Variants in CA6 observed in about 807,000 individuals in gnomAD.
CA6 encodes the protein carbonic anhydrase 6.
CA6 carries 28 observed loss-of-function variants against 35.9 expected under a neutral mutation model. The observed-to-expected ratio is 0.78, with a 90% CI of 0.58 to 1.07. The LOEUF (loss-of-function observed/expected upper bound fraction) is 1.07. Among genes scored for constraint, CA6 ranks in the 50% least tolerant of loss-of-function variants. CA6 has a pLI of 0.00. For synonymous variants in CA6, 148 were observed against 152.6 expected (o/e 0.97, Z 0.22); for missense variants, 377 against 382.0 (o/e 0.99, Z 0.11).
chr1:8,965,203 C>G (rs1008131774), intron 5 of CA6, among the ~76,000 whole-genome samples: 2 of 152,120 alleles, frequency 1.3e-5, no homozygotes, highest in Non-Finnish European at 2.9e-5. Context: ...GAGATTGTGT[C>G]GCTGCACTCC....
chr1:8,957,329 T>A (rs761437024), intron 3 of CA6, 44 bp downstream of exon 3: 5 of 1,538,776 alleles, frequency 3.2e-6, no homozygotes, highest in Non-Finnish European at 3.5e-6. Context: ...TTGAACCCCA[T>A]AGTCACTTTT....
At chr1:8,953,605 G>A (rs1273311727) in intron 2 of CA6, among the ~76,000 whole-genome samples, 2 of 151,370 alleles carry the variant, frequency 1.3e-5, no homozygotes, top group African/African-American at 2.4e-5. Flanking sequence ...CTGGGTGACA[G>A]AGCAAGACCT....
At chr1:8,951,849 T>G (rs1639545239) in intron 2 of CA6, 1 of 275,366 alleles carries the variant, frequency 3.6e-6, no homozygotes. Flanking sequence ...AGATGGAGTC[T>G]TGCTCTGTCA....
intron 7 of CA6, among the ~76,000 whole-genome samples, chr1:8,971,750 C>T (rs1640116133): frequency 6.6e-6 from 1 of 152,222 alleles, no homozygotes; most frequent in Non-Finnish European, 1.5e-5. Flanking sequence ...CTGCATCTGC[C>T]TGGGGCGCAG....
intron 4 of CA6, among the ~76,000 whole-genome samples, chr1:8,961,242 C>A (rs12735688): frequency 4.6e-5 from 7 of 151,954 alleles, no homozygotes; most frequent in African/African-American, 1.7e-4. Flanking sequence ...CGGTTAACTC[C>A]GATCCACAGA....
chr1:8,947,190 G>A (rs1161701305), intron 1 of CA6, among the ~76,000 whole-genome samples: 5 of 152,112 alleles, frequency 3.3e-5, no homozygotes, highest in Admixed American at 1.3e-4. Context: ...CTAGAAGGCC[G>A]TGTCTGTGGA....
Position 8,945,937 on chromosome 1 carries a change from C to T in CA6, c.51C>T (p.Ala17=). The T allele has an allele frequency of 1.2e-6, 2 of 1,613,618 alleles. No homozygotes were observed. Among genetic ancestry groups the T allele is most frequent in the Non-Finnish European group, 1.7e-6 (2 of 1,179,666 alleles). ...CCCTGTTCCTGCTGGGTGGCCAGGC[C>T]CAGCATGTGTCTGACTGGACCTACT... is the stretch of plus-strand genomic sequence containing the variant. ...LLSLFLLGGQ[A]QHVSDWTYSE... Residue 17 remains alanine, a synonymous_variant, in exon 1 of 8, where the codon GCC becomes GCT. Transcript: ENST00000377443.
At position 8,963,742 on chromosome 1, in the gene CA6, A is replaced by G. The variant is rs1639901897; in HGVS notation, c.571+1086A>G. Among the ~76,000 whole-genome samples the G allele has an allele frequency of 6.6e-6, 1 of 152,048 alleles. No individual in the cohort carries two copies. Among genetic ancestry groups the G allele is most frequent in the South Asian group, 2.1e-4 (1 of 4,826 alleles). ...TTTTCAGTAGAGACAGGGTCTCACC[A>G]TGTTCTCAGGCTGGTCTTGAACTCC... On this transcript the variant is annotated intron_variant, in intron 5 of 7. Coordinates refer to ENST00000377443, the MANE Select transcript of CA6 (RefSeq NM_001215.4). This position sits in a 1 kb window ranked among gnomAD's most constrained non-coding sequence, Gnocchi z 4.1.
Position 8,949,393 on chromosome 1 carries a change from C to G in CA6, c.210C>G (p.Gly70=). Reference sequence around the variant, plus strand: ...CCTTGAAGGGGCTCAATATGACAGGCTATGAGACCCAGGCAGGGGAGTTCC... The same window carrying G: ...CCTTGAAGGGGCTCAATATGACAGGGTATGAGACCCAGGCAGGGGAGTTCC... The part of the protein sequence containing the change: ...NPSLKGLNMT[G]YETQAGEFPM... The change falls in exon 2 of 8, where the codon GGC becomes GGG. Residue 70 remains glycine (G), a synonymous_variant. Coordinates refer to ENST00000377443, the MANE Select transcript of CA6 (RefSeq NM_001215.4). 1 of 1,613,234 alleles carries G rather than the reference C, an allele frequency of 6.2e-7. No individual in the cohort carries two copies. Among genetic ancestry groups the G allele is most frequent in the South Asian group, 1.1e-5 (1 of 90,996 alleles).
Position 8,946,042 on chromosome 1 carries a change from C to CTA in CA6, c.79+78_79+79insAT, listed in dbSNP as rs1639354893. On this transcript the variant is annotated intron_variant, in intron 1 of 7. Transcript: ENST00000377443. ...CAGGACAAGTGCCCTTCTTCTTCTT[C>CTA]TTTTTTTTTTTTTTAGACAAAGTCT... 4 of 676,430 alleles carry CTA rather than the reference C, an allele frequency of 5.9e-6. No individual in the cohort carries two copies. The East Asian group carries it at 1.2e-4, about 20-fold the overall frequency. 41.9% of individuals were successfully genotyped at this position (676,430 alleles called of 1,614,324 possible).
intron 4 of CA6, among the ~76,000 whole-genome samples, chr1:8,962,181 G>A (rs991800852): frequency 3.3e-5 from 5 of 151,668 alleles, no homozygotes; most frequent in African/African-American, 1.2e-4. Context: ...GGCAGAGGTT[G>A]CAGTGAGCCG....
chr1:8,960,168 C>CT (rs897872113), intron 4 of CA6, among the ~76,000 whole-genome samples: 4 of 151,024 alleles, frequency 2.6e-5, no homozygotes, highest in Non-Finnish European at 5.9e-5. Flanking sequence ...GAGGCAGAGG[C>CT]TGCAGTGAGC....
Position 8,974,951 on chromosome 1 carries a change from GA to G in CA6, c.*249del. The G allele has an allele frequency of 2.8e-6, 1 of 352,456 alleles. No individual in the cohort carries two copies. 21.8% of individuals were successfully genotyped at this position (352,456 alleles called of 1,614,324 possible). On this transcript the variant is annotated 3_prime_UTR_variant, in exon 8 of 8. Coordinates refer to ENST00000377443, the MANE Select transcript of CA6 (RefSeq NM_001215.4). ...AGACATCACCAGTGGAAATTGATTG[GA>G]ATAGAAACTTAAAGGAAATGGAACC...
At chr1:8,959,122 C>T in intron 4 of CA6, 120 bp downstream of exon 4, 1 of 664,490 alleles carries the variant, frequency 1.5e-6, no homozygotes, top group South Asian at 1.9e-5. Flanking sequence ...CCTGAGCTCA[C>T]AGTTCTTGGA....
chr1:8,951,256 CT>C (rs1639525143), intron 2 of CA6, among the ~76,000 whole-genome samples: 1 of 151,710 alleles, frequency 6.6e-6, no homozygotes, highest in South Asian at 2.1e-4. Context: ...ACCAATTGTC[CT>C]TTATAGGGTT....
At chr1:8,954,285 C>T (rs1407929476) in intron 2 of CA6, among the ~76,000 whole-genome samples, 1 of 151,930 alleles carries the variant, frequency 6.6e-6, no homozygotes, top group Non-Finnish European at 1.5e-5. Flanking sequence ...GTGCCTCAGC[C>T]TCCCAAGTAG....
rs145665510 is a variant in CA6 at position 8,953,529 on chromosome 1, G to A, written c.260-3608G>A. On this transcript the variant is annotated intron_variant, in intron 2 of 7. Transcript: ENST00000377443. Reference sequence around the variant, plus strand: ...GGCTACATAGGAGGTTGAGGTGCGAGGCTCACTTGAGCAGCTTGGGAGGTC... The same window carrying A: ...GGCTACATAGGAGGTTGAGGTGCGAAGCTCACTTGAGCAGCTTGGGAGGTC... Among the ~76,000 whole-genome samples, 453 of 152,252 alleles carry A rather than the reference G, an allele frequency of 3.0e-3. 3 individuals carry two copies. Among genetic ancestry groups the A allele is most frequent in the African/African-American group, 0.01 (434 of 41,562 alleles).
At chr1:8,958,171 T>A (rs1639741691) in intron 3 of CA6, among the ~76,000 whole-genome samples, 1 of 151,882 alleles carries the variant, frequency 6.6e-6, no homozygotes, top group Admixed American at 6.6e-5. Flanking sequence ...TAGATTTTCT[T>A]TTTTTTTGTT....
chr1:8,959,144 G>C (rs968837993), intron 4 of CA6, 142 bp downstream of exon 4: 1 of 623,246 alleles, frequency 1.6e-6, no homozygotes, highest in Admixed American at 2.9e-5. Flanking sequence ...ACATTGACTC[G>C]ATGGAAGATC....
Sources: allele counts gnomAD v4.1 joint callset (sites outside exome capture counted in the v4.1 genomes callset), GRCh38; gene constraint gnomAD v4.1.1; non-coding constraint Gnocchi (gnomAD v3.1); transcripts MANE v1.5; gene names NCBI Gene and HGNC (gene_info 2026-07-23, HGNC 2026-07-21).